The following SH3GL2 variants were observed in gnomAD, a reference collection of about 807,000 sequenced individuals.
SH3GL2 encodes SH3 domain containing GRB2 like 2, endophilin A1.
In SH3GL2, 24 loss-of-function variants were observed where a neutral mutation model predicts 46.0. The ratio of observed to expected loss-of-function variants is 0.52; its 90% CI spans 0.38 to 0.73. The LOEUF is 0.73. Ranked by LOEUF, SH3GL2 falls within the 30% of genes least tolerant of loss-of-function variation. The probability of loss-of-function intolerance (pLI) is 0.00; values close to 1 mark genes in which losing one functional copy is unlikely to be tolerated. For missense variants in SH3GL2, 413 were observed against 424.2 expected (o/e 0.97, Z 0.23); for synonymous variants, 196 against 147.1 (o/e 1.33, Z -2.40).
At chr9:17,703,246 A>G (rs1435148326) in intron 1 of SH3GL2, among the ~76,000 whole-genome samples, 1 of 152,126 alleles carries the variant, frequency 6.6e-6, no homozygotes, top group Admixed American at 6.6e-5. Context: ...GAAAAAAAAC[A>G]ATAAAAATAT....
At chr9:17,770,688 C>G (rs180814876) in intron 3 of SH3GL2, among the ~76,000 whole-genome samples, 1 of 152,238 alleles carries the variant, frequency 6.6e-6, no homozygotes, top group East Asian at 1.9e-4. Context: ...GAGAGACATT[C>G]CCTTCCTTGT....
At chr9:17,768,713 C>T (rs1270006901) in intron 3 of SH3GL2, among the ~76,000 whole-genome samples, 2 of 152,130 alleles carry the variant, frequency 1.3e-5, no homozygotes, top group South Asian at 2.1e-4. Context: ...GCCCCTTCTT[C>T]GACAACTGTC....
At chr9:17,668,544 T>C (rs1216316357) in intron 1 of SH3GL2, among the ~76,000 whole-genome samples, 1 of 152,226 alleles carries the variant, frequency 6.6e-6, no homozygotes, top group Non-Finnish European at 1.5e-5. Context: ...ATCTTAATTT[T>C]GAGCTAAAGA....
chr9:17,621,357 G>A (rs542593629), intron 1 of SH3GL2, among the ~76,000 whole-genome samples: 2 of 152,288 alleles, frequency 1.3e-5, no homozygotes, highest in South Asian at 2.1e-4. Flanking sequence ...ATTTATGTCC[G>A]CAACTACGTG....
chr9:17,754,269 C>G (rs1822927919), intron 2 of SH3GL2, among the ~76,000 whole-genome samples: 1 of 152,138 alleles, frequency 6.6e-6, no homozygotes, highest in Non-Finnish European at 1.5e-5. Flanking sequence ...CTGCTTTGAG[C>G]AGTATGGCCA....
At chr9:17,651,185 A>C (rs925334550) in intron 1 of SH3GL2, among the ~76,000 whole-genome samples, 1 of 152,024 alleles carries the variant, frequency 6.6e-6, no homozygotes, top group Non-Finnish European at 1.5e-5. Flanking sequence ...TCTTGAAAAA[A>C]ATGTCTAAGC....
intron 1 of SH3GL2, among the ~76,000 whole-genome samples, chr9:17,663,506 G>A (rs187434669): frequency 6.6e-6 from 1 of 152,148 alleles, no homozygotes; most frequent in Non-Finnish European, 1.5e-5. Flanking sequence ...TAGTAATTTT[G>A]TGAATCAAAG....
intron 1 of SH3GL2, among the ~76,000 whole-genome samples, chr9:17,739,809 C>T (rs148902301): frequency 1.0e-3 from 158 of 152,174 alleles, no homozygotes; most frequent in African/African-American, 3.6e-3. Context: ...AAGTAATTTG[C>T]CCCATAGTCT....
intron 1 of SH3GL2, among the ~76,000 whole-genome samples, chr9:17,592,844 C>G (rs967358788): frequency 1.3e-5 from 2 of 152,212 alleles, no homozygotes; most frequent in Non-Finnish European, 2.9e-5. Flanking sequence ...GGGGACTGTT[C>G]ACCAGAAAGA....
chr9:17,659,819 C>G (rs1374733063), intron 1 of SH3GL2, among the ~76,000 whole-genome samples: 1 of 152,128 alleles, frequency 6.6e-6, no homozygotes, highest in Non-Finnish European at 1.5e-5. Context: ...GTTTAAGACT[C>G]ACTGCTTGAG....
chr9:17,786,803 G>C (rs1393601543), intron 4 of SH3GL2, among the ~76,000 whole-genome samples: 1 of 151,942 alleles, frequency 6.6e-6, no homozygotes, highest in Non-Finnish European at 1.5e-5. Context: ...CTTTCTATTG[G>C]GTGTTTCTGG....
chr9:17,766,663 T>C (rs907536103), intron 3 of SH3GL2, among the ~76,000 whole-genome samples: 6 of 152,208 alleles, frequency 3.9e-5, no homozygotes, highest in African/African-American at 1.2e-4. Context: ...TAAAAATTAT[T>C]GAGATATTCT....
At chr9:17,685,485 C>T (rs1820878634) in intron 1 of SH3GL2, among the ~76,000 whole-genome samples, 1 of 152,014 alleles carries the variant, frequency 6.6e-6, no homozygotes, top group South Asian at 2.1e-4. Context: ...GATACTATTG[C>T]CTAGCCAGGT....
chr9:17,606,055 T>G (rs1272828093), intron 1 of SH3GL2, among the ~76,000 whole-genome samples: 1 of 151,392 alleles, frequency 6.6e-6, no homozygotes, highest in Non-Finnish European at 1.5e-5. Flanking sequence ...TTGTCAACCT[T>G]GACGGCGGGG....
chr9:17,658,880 T>C (rs1418505510), intron 1 of SH3GL2, among the ~76,000 whole-genome samples: 1 of 152,228 alleles, frequency 6.6e-6, no homozygotes, highest in East Asian at 1.9e-4. Flanking sequence ...AAATGAGTCC[T>C]TTGGATTAAA....
At chr9:17,677,944 C>A (rs1820656989) in intron 1 of SH3GL2, among the ~76,000 whole-genome samples, 1 of 152,154 alleles carries the variant, frequency 6.6e-6, no homozygotes, top group South Asian at 2.1e-4. Context: ...CATGTCCCTA[C>A]AAAGGACATG....
At chr9:17,668,938 G>T (rs772741964) in intron 1 of SH3GL2, among the ~76,000 whole-genome samples, 1 of 152,166 alleles carries the variant, frequency 6.6e-6, no homozygotes, top group Non-Finnish European at 1.5e-5. Context: ...GATTACACAG[G>T]TGAGTCACCA....
At chr9:17,682,683 TA>T (rs538365567) in intron 1 of SH3GL2, among the ~76,000 whole-genome samples, 19,729 of 136,138 alleles carry the variant, frequency 0.14, 1,425 homozygotes, top group Admixed American at 0.22. Flanking sequence ...AAAGCAAAAT[TA>T]AAAAAAAAAA....
chr9:17,747,258 A>C, intron 2 of SH3GL2, 124 bp downstream of exon 2: 1 of 576,180 alleles, frequency 1.7e-6, no homozygotes, highest in East Asian at 3.0e-5. Flanking sequence ...ACATTTTGTT[A>C]TTTAAAACTA....
Sources: gnomAD v4.1 joint callset for allele counts (sites outside exome capture counted in the v4.1 genomes callset) on GRCh38, gnomAD v4.1.1 for gene constraint, MANE v1.5 for transcripts, NCBI Gene and HGNC (gene_info 2026-07-23, HGNC 2026-07-21) for gene names.